Variants in RBFOX1 observed in about 807,000 individuals in gnomAD.
RBFOX1 encodes the protein RNA binding protein fox-1 homolog 1.
In RBFOX1, 8 loss-of-function variants were observed where a neutral mutation model predicts 57.7. That is an observed-to-expected ratio of 0.14 (90% CI 0.08 to 0.25). The LOEUF (loss-of-function observed/expected upper bound fraction) is 0.25. RBFOX1 is among the 10% of genes least tolerant of loss of function. The probability of loss-of-function intolerance (pLI) is 1.00; values close to 1 mark genes in which losing one functional copy is unlikely to be tolerated. For synonymous variants in RBFOX1, 326 were observed against 222.4 expected (o/e 1.47, Z -4.15); for missense variants, 611 against 548.5 (o/e 1.11, Z -1.14).
rs1568495314 is a variant in RBFOX1 at position 7,693,414 on chromosome 16, TCC to T, written c.996-15641_996-15640del. On this transcript the variant is annotated intron_variant, in intron 14 of 15. Transcript: ENST00000550418. ...TGATGCATCCATCCAAGTCTCAGTA[TCC>T]TTTTTTTTTTTTTTTTTTCTTCTTC... 4.2e-6 allele frequency: 5 copies of T among 1,192,502 alleles called. No homozygotes were observed. The Admixed American group carries it at 9.5e-5, about 23-fold the overall frequency. 73.9% of individuals were successfully genotyped at this position (1,192,502 alleles called of 1,614,324 possible).
At chr16:6,665,480 C>G (rs912587401) in intron 3 of RBFOX1, among the ~76,000 whole-genome samples, 1 of 152,094 alleles carries the variant, frequency 6.6e-6, no homozygotes, top group Admixed American at 6.6e-5. Flanking sequence ...AAAATATTAG[C>G]CAGGCATAGT....
At chr16:7,271,624 C>T (rs937591292) in intron 4 of RBFOX1, among the ~76,000 whole-genome samples, 7 of 152,000 alleles carry the variant, frequency 4.6e-5, no homozygotes, top group Non-Finnish European at 8.8e-5. Flanking sequence ...TTAGAAGATA[C>T]GTGACTACTA....
intron 4 of RBFOX1, among the ~76,000 whole-genome samples, chr16:7,156,609 A>G (rs964529880): frequency 1.3e-5 from 2 of 152,090 alleles, no homozygotes; most frequent in African/African-American, 2.4e-5. Flanking sequence ...ATGTGTACAT[A>G]TATATGTATA....
intron 4 of RBFOX1, chr16:7,304,131 C>A (rs556433672): frequency 1.2e-6 from 1 of 826,922 alleles, no homozygotes. Flanking sequence ...CATCCCCAGG[C>A]GGGGAGAGCC....
At position 6,779,929 on chromosome 16, in the gene RBFOX1, ATATATATTTATATATATT is replaced by A. The variant is rs2080254574; in HGVS notation, c.-16+125295_-16+125312del. On this transcript the variant is annotated intron_variant, in intron 3 of 15. Coordinates refer to ENST00000550418, the MANE Select transcript of RBFOX1 (RefSeq NM_018723.4). ...TATATTTATATATTTATATATATTT[ATATATATTTATATATATT>A]TATATATTTATATATTTATATATAT... Among the ~76,000 whole-genome samples, 6 of 14,198 alleles carry A rather than the reference ATATATATTTATATATATT, an allele frequency of 4.2e-4. 1 individual carries two copies. Among genetic ancestry groups the A allele is most frequent in the South Asian group, 3.5e-3 (2 of 572 alleles). 9.3% of individuals were successfully genotyped at this position (14,198 alleles called of 152,430 possible).
At chr16:5,642,175 G>A (rs568251188) in intron 3 of RBFOX1, among the ~76,000 whole-genome samples, 24 of 152,134 alleles carry the variant, frequency 1.6e-4, no homozygotes, top group African/African-American at 5.3e-4. Flanking sequence ...TCAGTCTGTC[G>A]GGGAGCAGTT....
intron 3 of RBFOX1, among the ~76,000 whole-genome samples, chr16:6,806,623 A>G (rs1425889371): frequency 2.2e-4 from 33 of 151,760 alleles, no homozygotes; most frequent in Admixed American, 2.2e-3. Context: ...TTTTTAAAAC[A>G]TGTCTTTTAC....
intron 4 of RBFOX1, among the ~76,000 whole-genome samples, chr16:7,212,368 C>G (rs1357577669): frequency 6.6e-6 from 1 of 152,128 alleles, no homozygotes; most frequent in Admixed American, 6.5e-5. Flanking sequence ...CGCGTTGACC[C>G]TAGCGCTTGA....
At chr16:5,844,965 T>C (rs977643459) in intron 3 of RBFOX1, among the ~76,000 whole-genome samples, 1 of 152,138 alleles carries the variant, frequency 6.6e-6, no homozygotes, top group African/African-American at 2.4e-5. Flanking sequence ...GCAGGAATTG[T>C]GAGGCATTCA....
chr16:6,819,882 C>T (rs544381384), intron 3 of RBFOX1, among the ~76,000 whole-genome samples: 1 of 152,132 alleles, frequency 6.6e-6, no homozygotes, highest in Non-Finnish European at 1.5e-5. Context: ...AAGTGCTTTC[C>T]TCAAGCATAC....
intron 3 of RBFOX1, among the ~76,000 whole-genome samples, chr16:5,854,370 C>G (rs1446169674): frequency 6.6e-6 from 1 of 152,216 alleles, no homozygotes; most frequent in Non-Finnish European, 1.5e-5. Flanking sequence ...AACCATCATT[C>G]TAGTCTCCGC....
intron 3 of RBFOX1, among the ~76,000 whole-genome samples, chr16:6,835,201 G>A (rs543996389): frequency 2.6e-5 from 4 of 151,856 alleles, no homozygotes; most frequent in Admixed American, 6.6e-5. Flanking sequence ...ACGCCCGACC[G>A]GCCTGACTTC....
At chr16:6,865,589 G>C (rs34399338) in intron 3 of RBFOX1, among the ~76,000 whole-genome samples, 11,157 of 152,144 alleles carry the variant, frequency 0.073, 487 homozygotes, top group South Asian at 0.16. Flanking sequence ...ATAATATTTT[G>C]TGATACATTA....
At position 6,898,968 on chromosome 16, in the gene RBFOX1, TATG is replaced by T. The variant is rs769044187; in HGVS notation, c.-15-153085_-15-153083del. ...ATGTGTATAATACATTGTGTATGTG[TATG>T]ATGTGTGTATGTGTGCATATATATA... On this transcript the variant is annotated intron_variant, in intron 3 of 15. Transcript: ENST00000550418. Among the ~76,000 whole-genome samples the T allele has an allele frequency of 5.3e-5, 8 of 151,854 alleles. No homozygotes were observed. In the South Asian group the frequency reaches 8.3e-4, roughly 16 times the overall value.
intron 3 of RBFOX1, among the ~76,000 whole-genome samples, chr16:6,823,737 A>C (rs891597805): frequency 6.6e-6 from 1 of 152,138 alleles, no homozygotes; most frequent in Non-Finnish European, 1.5e-5. Flanking sequence ...CACCAATTGA[A>C]ATTTTGAATG....
chr16:6,604,034 G>C (rs1412539674), intron 2 of RBFOX1, among the ~76,000 whole-genome samples: 2 of 151,976 alleles, frequency 1.3e-5, no homozygotes, highest in African/African-American at 4.8e-5. Context: ...GCTGCCTTTG[G>C]TCTGCTGGGG....
chr16:6,381,564 A>T (rs921576787), intron 2 of RBFOX1, among the ~76,000 whole-genome samples: 1 of 152,206 alleles, frequency 6.6e-6, no homozygotes, highest in African/African-American at 2.4e-5. Context: ...AATAAGATGC[A>T]GGTTTGGGGT....
At chr16:6,637,227 ATATATAT>A (rs1366615017) in intron 2 of RBFOX1, among the ~76,000 whole-genome samples, 1 of 66,048 alleles carries the variant, frequency 1.5e-5, no homozygotes, top group African/African-American at 6.5e-5. Flanking sequence ...ATAATATACA[ATATATAT>A]TATATATTAT....
rs776303663 is a variant in RBFOX1, at chr16:7,710,787, A to T, written c.*42A>T. The T allele has an allele frequency of 6.8e-7, 1 of 1,481,294 alleles. No homozygotes were observed. The highest frequency in any genetic ancestry group is 1.4e-5 in the African/African-American group (1 of 69,338). 91.8% of individuals were successfully genotyped at this position (1,481,294 alleles called of 1,614,324 possible). Reference sequence around the variant, plus strand: ...AACCTTCCAATGTGGGGAGAAAGGAAGCTTTCCGAGGCCTGAGTATTGCAA... The same window carrying T: ...AACCTTCCAATGTGGGGAGAAAGGATGCTTTCCGAGGCCTGAGTATTGCAA... On this transcript the variant is annotated 3_prime_UTR_variant, in exon 16 of 16. Coordinates refer to ENST00000550418, the MANE Select transcript of RBFOX1 (RefSeq NM_018723.4).
Sources: gnomAD v4.1 joint callset for allele counts (sites outside exome capture counted in the v4.1 genomes callset) on GRCh38, gnomAD v4.1.1 for gene constraint, MANE v1.5 for transcripts, NCBI Gene and HGNC (gene_info 2026-07-23, HGNC 2026-07-21) for gene names.